LRRK2: variants seen among roughly 807,000 people sequenced by gnomAD.
LRRK2 encodes the protein leucine rich repeat kinase 2.
LRRK2 carries 203 observed loss-of-function variants against 302.6 expected under a neutral mutation model. That is an observed-to-expected ratio of 0.67 (90% CI 0.60 to 0.75). LRRK2 has a LOEUF of 0.75. Ranked by LOEUF, LRRK2 falls within the 30% of genes least tolerant of loss-of-function variation. The probability of loss-of-function intolerance (pLI) is 0.00; values close to 1 mark genes in which losing one functional copy is unlikely to be tolerated. For synonymous variants in LRRK2, 1,066 were observed against 1,031.9 expected, an observed-to-expected ratio of 1.03 and a Z score of -0.63; for missense variants, 2,830 against 2,951.0, an observed-to-expected ratio of 0.96 and a Z score of 0.95.
chr12:40,294,864 A>G lies in LRRK2; in HGVS notation c.2828A>G (p.Glu943Gly). The part of the protein sequence containing the change: ...SNSLGPIFDH[E>G]DLLKRKRKIL... ...TAATAGGGGCCCATTTTTGATCATG[A>G]AGATTTACTGAAGCGAAAAAGAAAA... Residue 943 changes from glutamate (E) to glycine (G), a missense_variant, in exon 22 of 51, where the codon GAA becomes GGA. Around this residue, in one of 3 missense-constraint regions of LRRK2, gnomAD observed 2,121 missense variants for 2,148.0 expected, o/e 0.99. Coordinates refer to ENST00000298910, the MANE Select transcript of LRRK2 (RefSeq NM_198578.4). The G allele has an allele frequency of 6.5e-7, 1 of 1,548,922 alleles. No individual in the cohort carries two copies. Among genetic ancestry groups the G allele is most frequent in the Non-Finnish European group, 8.9e-7 (1 of 1,125,368 alleles).
intron 15 of LRRK2, 31 bp downstream of exon 15, chr12:40,274,758 T>C (rs750347883): frequency 8.7e-6 from 14 of 1,613,538 alleles, no homozygotes; most frequent in South Asian, 1.1e-5. Context: ...GGATTTAGAA[T>C]AGATTTTTGT....
rs536915432 is a variant in LRRK2 at position 40,289,119 on chromosome 12, T to C, written c.2689+1580T>C. 5.3e-5 allele frequency among the ~76,000 whole-genome samples: 8 copies of C among 152,060 alleles called. No homozygotes were observed. The South Asian group carries it at 1.4e-3, about 28-fold the overall frequency. ...TCAATGAAGAGTTGACATTTATTTCTTTCTGTATGGATATCCAGTTGTTCC... is the reference window on the plus strand; with the variant it reads ...TCAATGAAGAGTTGACATTTATTTCCTTCTGTATGGATATCCAGTTGTTCC... On this transcript the variant is annotated intron_variant, in intron 20 of 50. Transcript: ENST00000298910.
chr12:40,315,120 C>A, intron 32 of LRRK2, 92 bp from the exon 33 acceptor site: 1 of 1,054,882 alleles, frequency 9.5e-7, no homozygotes, highest in South Asian at 1.3e-5. Context: ...TCTTCACCTG[C>A]AAAATGAGGA....
intron 39 of LRRK2, among the ~76,000 whole-genome samples, chr12:40,330,701 C>T (rs923758258): frequency 3.3e-5 from 5 of 152,138 alleles, no homozygotes; most frequent in African/African-American, 1.2e-4. Context: ...CAAGGCTCTG[C>T]TTCTCTGGAG....
chr12:40,298,158 C>T, intron 23 of LRRK2, 85 bp from the exon 24 acceptor site: 1 of 1,391,530 alleles, frequency 7.2e-7, no homozygotes, highest in Non-Finnish European at 1.0e-6. Flanking sequence ...GTTCTAGTTA[C>T]CAGAGGTGTG....
chr12:40,264,002 T>A, intron 14 of LRRK2, 101 bp downstream of exon 14: 1 of 814,650 alleles, frequency 1.2e-6, no homozygotes, highest in South Asian at 1.5e-5. Context: ...GTTCTCCGTT[T>A]GCTATGATAG....
chr12:40,233,349 T>A lies in LRRK2; in HGVS notation c.347+966T>A, dbSNP rs998891342. Among the ~76,000 whole-genome samples the A allele has an allele frequency of 1.9e-4, 29 of 152,356 alleles. 1 individual carries two copies. Among genetic ancestry groups the A allele is most frequent in the Middle Eastern group, 3.4e-3 (1 of 294 alleles). ...TCCAATGGTATATGGTTTATGAAAA[T>A]TTAATTTATGAAAAATTTTCAGGTG... On this transcript the variant is annotated intron_variant, in intron 3 of 50. Coordinates refer to ENST00000298910, the MANE Select transcript of LRRK2 (RefSeq NM_198578.4).
At chr12:40,310,793 T>C in intron 31 of LRRK2, 144 bp downstream of exon 31, 1 of 765,266 alleles carries the variant, frequency 1.3e-6, no homozygotes. Flanking sequence ...GTCCTTTCCA[T>C]TTTAAAATTA....
intron 18 of LRRK2, among the ~76,000 whole-genome samples, chr12:40,280,027 G>T (rs1182418623): frequency 6.6e-6 from 1 of 152,192 alleles, no homozygotes; most frequent in African/African-American, 2.4e-5. Context: ...CAGAGAATTT[G>T]ATAATGGAAT....
intron 14 of LRRK2, among the ~76,000 whole-genome samples, chr12:40,264,424 A>G (rs201060123): frequency 6.6e-6 from 1 of 152,164 alleles, no homozygotes; most frequent in East Asian, 1.9e-4. Context: ...TTCGAGAGCA[A>G]CCTGGCCAAC....
At chr12:40,363,611 G>A (rs1946784000) in intron 48 of LRRK2, 57 bp downstream of exon 48, 2 of 1,573,972 alleles carry the variant, frequency 1.3e-6, no homozygotes, top group African/African-American at 1.4e-5. Flanking sequence ...CACTTCATGT[G>A]TCACAGAGGA....
intron 49 of LRRK2, chr12:40,365,313 C>A: frequency 2.5e-6 from 1 of 400,136 alleles, no homozygotes; most frequent in Non-Finnish European, 4.5e-6. Context: ...TCCTTTTTAC[C>A]TAAGGCAAAA....
At chr12:40,309,300 G>A in intron 30 of LRRK2, 67 bp downstream of exon 30, 1 of 1,558,410 alleles carries the variant, frequency 6.4e-7, no homozygotes, top group Non-Finnish European at 8.7e-7. Flanking sequence ...GTGTGTGTGT[G>A]TGTAAGTTAA....
intron 13 of LRRK2, among the ~76,000 whole-genome samples, chr12:40,260,345 T>C (rs1040673830): frequency 2.6e-5 from 4 of 151,666 alleles, no homozygotes; most frequent in Admixed American, 6.6e-5. Context: ...AGAATATCGA[T>C]GGAGGCACAA....
Position 40,329,540 on chromosome 12 carries a change from T to C in LRRK2, c.5757+1080T>C, listed in dbSNP as rs17466500. ...ACAAAACCAATAAATGCCATTTATA[T>C]ATTTTTTTATTTGTACAGAACCAAA... On this transcript the variant is annotated intron_variant, in intron 39 of 50. Transcript: ENST00000298910. Among the ~76,000 whole-genome samples, 620 of 152,308 alleles carry C rather than the reference T, an allele frequency of 4.1e-3. 5 individuals carry two copies. The highest frequency in any genetic ancestry group is 6.8e-3 in the Middle Eastern group (2 of 294).
intron 18 of LRRK2, among the ~76,000 whole-genome samples, chr12:40,278,794 A>C (rs547904450): frequency 4.1e-4 from 62 of 152,270 alleles, no homozygotes; most frequent in African/African-American, 1.1e-3. Context: ...GTAAACATAT[A>C]TCTATCTGAT....
At chr12:40,316,280 A>G in intron 33 of LRRK2, 1 of 982,372 alleles carries the variant, frequency 1.0e-6, no homozygotes, top group Non-Finnish European at 1.2e-6. Flanking sequence ...CATCTAAGGA[A>G]AAAAAGGAAG....
At chr12:40,323,395 T>C (rs1945456611) in intron 38 of LRRK2, 89 bp downstream of exon 38, 3 of 1,085,440 alleles carry the variant, frequency 2.8e-6, no homozygotes, top group Non-Finnish European at 4.0e-6. Flanking sequence ...TATATTGTCA[T>C]AGATTTTACT....
chr12:40,272,791 T>C (rs767008870), intron 14 of LRRK2, among the ~76,000 whole-genome samples: 1 of 152,160 alleles, frequency 6.6e-6, no homozygotes, highest in Non-Finnish European at 1.5e-5. Flanking sequence ...TTTCTTTGAA[T>C]GGTTCAAATT....
Sources: gnomAD v4.1 joint callset for allele counts (sites outside exome capture counted in the v4.1 genomes callset) on GRCh38, gnomAD v4.1.1 for gene constraint, gnomAD v4.1.1 regional missense constraint, MANE v1.5 for transcripts, NCBI Gene and HGNC (gene_info 2026-07-23, HGNC 2026-07-21) for gene names.